PCDHGA1: variants seen among roughly 807,000 people sequenced by gnomAD.
The protein encoded by PCDHGA1 is protocadherin gamma-A1.
Under a neutral mutation model 58.0 loss-of-function variants are expected in PCDHGA1, and 32 were observed. The observed-to-expected ratio is 0.55, with a 90% confidence interval of 0.42 to 0.74. The LOEUF (loss-of-function observed/expected upper bound fraction) is 0.74, where lower values mean the gene tolerates loss of function less well. PCDHGA1 is among the 30% of genes least tolerant of loss of function. The pLI is 0.00. For synonymous variants in PCDHGA1, 498 were observed against 501.1 expected (o/e 0.99, Z 0.08); for missense variants, 1,205 against 1,182.3 (o/e 1.02, Z -0.28).
rs2099085120 is a variant in PCDHGA1, at chr5:141,464,455, T to C, written c.2422-30352T>C. Among the ~76,000 whole-genome samples, 2 of 151,794 alleles carry C rather than the reference T, an allele frequency of 1.3e-5. 1 individual carries two copies. Among genetic ancestry groups the C allele is most frequent in the Non-Finnish European group, 2.9e-5 (2 of 67,958 alleles). On this transcript the variant is annotated intron_variant, in intron 1 of 3. Coordinates refer to ENST00000517417, the MANE Select transcript of PCDHGA1 (RefSeq NM_018912.3). ...TATATGTTTGTTGTTGTTGTTGTTA[T>C]TTTTGAAGTATGTACGTATAATAAA...
Position 141,447,048 on chromosome 5 carries a change from A to G in PCDHGA1, c.2422-47759A>G, listed in dbSNP as rs149112101. Among the ~76,000 whole-genome samples, 216 of 152,182 alleles carry G rather than the reference A, an allele frequency of 1.4e-3. 1 individual carries two copies. Among genetic ancestry groups the G allele is most frequent in the African/African-American group, 4.8e-3 (198 of 41,512 alleles). On this transcript the variant is annotated intron_variant, in intron 1 of 3. Transcript: ENST00000517417. ...GTTTTTTTTCTGTGTCTGGAATTCT[A>G]TTAAAATGTGTCAGGCTGTTTTAAT...
chr5:141,375,317 C>A (rs758382127), intron 1 of PCDHGA1: 10 of 1,613,790 alleles, frequency 6.2e-6, no homozygotes, highest in South Asian at 2.2e-5. Flanking sequence ...AGCTCTAGAC[C>A]GGGAAGAGGT....
intron 1 of PCDHGA1, chr5:141,426,849 G>A (rs749455878): frequency 2.4e-5 from 11 of 456,660 alleles, no homozygotes; most frequent in South Asian, 1.7e-4. Flanking sequence ...AGGCAAGAAC[G>A]CTCCAGAATT....
chr5:141,443,307 C>A (rs1447607301), intron 1 of PCDHGA1, among the ~76,000 whole-genome samples: 1 of 136,584 alleles, frequency 7.3e-6, no homozygotes, highest in Non-Finnish European at 1.5e-5. Flanking sequence ...ATGGCAAAAA[C>A]CCATCTCTAC....
rs533568792 is a variant in PCDHGA1 at position 141,393,506 on chromosome 5, A to G, written c.2421+60401A>G. The G allele has an allele frequency of 7.4e-6, 12 of 1,614,032 alleles. No individual in the cohort carries two copies. The East Asian group carries it at 2.5e-4, about 33-fold the overall frequency. ...CTAGCACAGTGCGCATCCACGTGAC[A>G]GTGTTGGATACAAATGACAATGCCC... On this transcript the variant is annotated intron_variant, in intron 1 of 3. Transcript: ENST00000517417.
At chr5:141,478,143 A>G (rs759384540) in intron 1 of PCDHGA1, 72 of 1,614,014 alleles carry the variant, frequency 4.5e-5, no homozygotes, top group Middle Eastern at 3.3e-4. Context: ...GCCCGAGCCG[A>G]GTTCCCCTCT....
intron 1 of PCDHGA1, among the ~76,000 whole-genome samples, chr5:141,445,553 A>T (rs948468877): frequency 1.3e-5 from 2 of 152,252 alleles, no homozygotes; most frequent in Non-Finnish European, 1.5e-5. Context: ...ATACAAAAGC[A>T]CTAAGAGAAA....
At chr5:141,398,349 C>T in intron 1 of PCDHGA1, 2 of 1,397,134 alleles carry the variant, frequency 1.4e-6, no homozygotes, top group Non-Finnish European at 2.0e-6. Flanking sequence ...AGAAGCCTTA[C>T]TTCACCGTGA....
At chr5:141,363,563 A>G (rs1428859316) in intron 1 of PCDHGA1, among the ~76,000 whole-genome samples, 1 of 152,258 alleles carries the variant, frequency 6.6e-6, no homozygotes, top group Non-Finnish European at 1.5e-5. Context: ...ATGGTAATAG[A>G]AAAACATAAA....
chr5:141,457,058 T>C (rs756862311), intron 1 of PCDHGA1, among the ~76,000 whole-genome samples: 1 of 152,230 alleles, frequency 6.6e-6, no homozygotes, highest in South Asian at 2.1e-4. Flanking sequence ...TCATGCTTCC[T>C]TTTTGCCAGT....
intron 1 of PCDHGA1, chr5:141,360,173 G>T: frequency 6.2e-7 from 1 of 1,609,062 alleles, no homozygotes; most frequent in East Asian, 2.2e-5. Context: ...CTGGTGCGGT[G>T]GCTGCAGGTA....
At chr5:141,351,824 C>T (rs1213782455) in intron 1 of PCDHGA1, 12 of 1,613,200 alleles carry the variant, frequency 7.4e-6, no homozygotes, top group Non-Finnish European at 1.0e-5. Context: ...CGAGCAGCTG[C>T]GCGCCTTCGA....
intron 1 of PCDHGA1, chr5:141,441,758 C>T: frequency 2.6e-6 from 1 of 382,050 alleles, no homozygotes. Context: ...TCAACGTGAG[C>T]CTGCGCGTGT....
chr5:141,374,336 G>A, intron 1 of PCDHGA1: 1 of 1,614,008 alleles, frequency 6.2e-7, no homozygotes, highest in Non-Finnish European at 8.5e-7. Context: ...CGGCAGCTTG[G>A]TCACCGCGGG....
In PCDHGA1 at chr5:141,357,579, A is replaced by T. The variant is rs980931291; in HGVS notation, c.2421+24474A>T. 5 of 1,614,088 alleles carry T rather than the reference A, an allele frequency of 3.1e-6. No homozygotes were observed. In the African/African-American group the frequency reaches 5.3e-5, roughly 17 times the overall value. ...GTGAGAAAAGCGAGCCTCTTCTGAT[A>T]ACTCAGGATTTACTTGAAACAAAAG... On this transcript the variant is annotated intron_variant, in intron 1 of 3. Transcript: ENST00000517417.
At chr5:141,344,952 C>T (rs746809370) in intron 1 of PCDHGA1, 3 of 1,613,690 alleles carry the variant, frequency 1.9e-6, no homozygotes, top group African/African-American at 1.3e-5. Context: ...ATTAAAAAGT[C>T]TAGATTATGA....
In PCDHGA1 at chr5:141,332,738, A is replaced by G. The variant is rs1756425003; in HGVS notation, c.2054A>G (p.Asn685Ser). 6.8e-6 allele frequency: 11 copies of G among 1,613,258 alleles called. No individual in the cohort carries two copies. The highest frequency in any genetic ancestry group is 2.2e-5 in the East Asian group (1 of 44,824). ...AGCCTCGAGCCCTCCGCCAAACCCA[A>G]CGATTCGGACCTCACTCTGTACCTG... ...LGSLEPSAKP[N>S]DSDLTLYLVV... is the part of the protein sequence containing the mutation. The change falls in exon 1 of 4, where the codon AAC becomes AGC. Residue 685 changes from asparagine to serine, a missense_variant. Transcript: ENST00000517417. The surrounding 1 kb of genome is among the most constrained non-coding windows in gnomAD (Gnocchi z 4.6).
intron 1 of PCDHGA1, among the ~76,000 whole-genome samples, chr5:141,359,249 C>G (rs1368630621): frequency 6.6e-6 from 1 of 151,856 alleles, no homozygotes; most frequent in Non-Finnish European, 1.5e-5. Flanking sequence ...AGTAATTAAG[C>G]CATAAAATAT....
intron 1 of PCDHGA1, chr5:141,390,129 T>G (rs1194598931): frequency 6.2e-7 from 1 of 1,613,936 alleles, no homozygotes; most frequent in Non-Finnish European, 8.5e-7. Flanking sequence ...TTTGCCTTAT[T>G]CCTACAATCT....
Sources: allele counts gnomAD v4.1 joint callset (sites outside exome capture counted in the v4.1 genomes callset), GRCh38; gene constraint gnomAD v4.1.1; non-coding constraint Gnocchi (gnomAD v3.1); transcripts MANE v1.5; gene names NCBI Gene and HGNC (gene_info 2026-07-23, HGNC 2026-07-21).